Variants in PCGF6 observed in about 807,000 individuals in gnomAD.
PCGF6 encodes the protein polycomb group ring finger 6, also known as polycomb group RING finger protein 6.
PCGF6 carries 24 observed loss-of-function variants against 45.5 expected under a neutral mutation model. The ratio of observed to expected loss-of-function variants is 0.53; its 90% CI spans 0.38 to 0.74. The LOEUF (loss-of-function observed/expected upper bound fraction) is 0.74. Ranked by LOEUF, PCGF6 falls within the 30% of genes least tolerant of loss-of-function variation. The pLI is 0.00. For missense variants in PCGF6, 356 were observed against 443.2 expected, an observed-to-expected ratio of 0.80 and a Z score of 1.77; for synonymous variants, 152 against 162.1, an observed-to-expected ratio of 0.94 and a Z score of 0.47.
chr10:103,320,409 G>A (rs144269311), intron 8 of PCGF6, among the ~76,000 whole-genome samples: 51 of 152,168 alleles, frequency 3.4e-4, no homozygotes, highest in Admixed American at 9.2e-4. Context: ...CATGATGGCC[G>A]GGCGCGGTGG....
At chr10:103,345,697 A>G (rs1013552296) in intron 5 of PCGF6, among the ~76,000 whole-genome samples, 26 of 151,450 alleles carry the variant, frequency 1.7e-4, no homozygotes. Flanking sequence ...GCATGGTGGC[A>G]TGTGCCTGTA....
At chr10:103,318,731 G>A (rs938060719) in intron 8 of PCGF6, among the ~76,000 whole-genome samples, 6 of 151,388 alleles carry the variant, frequency 4.0e-5, no homozygotes, top group South Asian at 2.1e-4. Flanking sequence ...GCGACAGAGC[G>A]AGACTCTGTC....
At position 103,350,819 on chromosome 10, in the gene PCGF6, T is replaced by C. The variant is rs1364095376; in HGVS notation, c.248A>G (p.Glu83Gly). The change falls in exon 1 of 10, where the codon GAG becomes GGG. Residue 83 changes from glutamate to glycine, a missense_variant. Glu to Gly is a moderately conservative substitution (Grantham distance 98). This residue lies in a region of PCGF6 where 307 missense variants were observed against 350.1 expected (regional missense o/e 0.88). Coordinates refer to ENST00000369847, the MANE Select transcript of PCGF6 (RefSeq NM_001011663.2). ...FRGRFEDEDE[E>G]LEEEEELEEE... is the part of the protein sequence containing the mutation. The stretch of plus-strand genomic sequence containing the variant: ...CTCCAGCTCCTCTTCTTCTTCCAAC[T>C]CCTCGTCCTCGTCCTCGAAGCGGCC... The C allele has an allele frequency of 6.5e-7, 1 of 1,547,520 alleles. No homozygotes were observed.
intron 6 of PCGF6, among the ~76,000 whole-genome samples, chr10:103,343,249 T>C (rs2093287502): frequency 6.6e-6 from 1 of 151,532 alleles, no homozygotes; most frequent in African/African-American, 2.4e-5. Flanking sequence ...TAATAACAGT[T>C]GAGAGCACGA....
chr10:103,348,174 T>G (rs931361869), intron 3 of PCGF6, among the ~76,000 whole-genome samples: 4 of 152,156 alleles, frequency 2.6e-5, no homozygotes, highest in Admixed American at 2.0e-4. Context: ...CTAGCCTCAT[T>G]AACCTGAGTA....
Position 103,347,179 on chromosome 10 carries a change from T to C in PCGF6, c.673+59A>G, listed in dbSNP as rs1438943106. The C allele has an allele frequency of 1.6e-5, 22 of 1,333,816 alleles. No individual in the cohort carries two copies. The East Asian group carries it at 4.2e-4, about 25-fold the overall frequency. The allele number at this position is 1,333,816 out of a possible 1,614,324, so 82.6% of individuals were successfully genotyped here. ...CCCAAAAGGAACTTCAAAGGGCATA[T>C]ATTTTATTGTTAGTATTCTTTAATC... On this transcript the variant is annotated intron_variant, in intron 5 of 9. Transcript: ENST00000369847.
At chr10:103,327,768 G>A (rs753708581) in intron 7 of PCGF6, among the ~76,000 whole-genome samples, 2 of 151,464 alleles carry the variant, frequency 1.3e-5, no homozygotes, top group African/African-American at 4.9e-5. Context: ...TCCGCCTCCC[G>A]GGTTCACGCT....
intron 8 of PCGF6, among the ~76,000 whole-genome samples, 163 bp from the exon 9 acceptor site, chr10:103,314,435 GAAGT>G (rs1220239782): frequency 1.3e-5 from 2 of 152,154 alleles, no homozygotes; most frequent in African/African-American, 4.8e-5. Flanking sequence ...ACTTTTTACA[GAAGT>G]AAATAAGGTA....
At chr10:103,323,027 A>G (rs1372469472) in intron 8 of PCGF6, among the ~76,000 whole-genome samples, 2 of 152,130 alleles carry the variant, frequency 1.3e-5, no homozygotes, top group African/African-American at 4.8e-5. Context: ...TAATAAGGGC[A>G]AGTCTTCTGC....
At chr10:103,304,127 C>G (rs1009921834) in intron 9 of PCGF6, among the ~76,000 whole-genome samples, 166 bp from the exon 10 acceptor site, 1 of 147,458 alleles carries the variant, frequency 6.8e-6, no homozygotes, top group African/African-American at 2.5e-5. Context: ...ACCAAACACT[C>G]CTTGTGAATG....
At chr10:103,334,229 C>T (rs2093249153) in intron 6 of PCGF6, among the ~76,000 whole-genome samples, 1 of 151,902 alleles carries the variant, frequency 6.6e-6, no homozygotes, top group Non-Finnish European at 1.5e-5. Context: ...TGAGAATTTA[C>T]TTATTTTTTC....
intron 7 of PCGF6, among the ~76,000 whole-genome samples, chr10:103,332,669 G>C (rs752559283): frequency 3.3e-5 from 5 of 152,126 alleles, no homozygotes; most frequent in African/African-American, 4.8e-5. Flanking sequence ...CGTCTTCAGG[G>C]AACACTGGTA....
intron 7 of PCGF6, among the ~76,000 whole-genome samples, chr10:103,331,942 G>A (rs772258968): frequency 8.6e-5 from 13 of 151,946 alleles, no homozygotes; most frequent in South Asian, 2.1e-4. Flanking sequence ...ACAGGCACGC[G>A]CCACCGCGCC....
chr10:103,335,585 T>C (rs2093253785), intron 6 of PCGF6, among the ~76,000 whole-genome samples: 1 of 151,934 alleles, frequency 6.6e-6, no homozygotes, highest in African/African-American at 2.4e-5. Flanking sequence ...ATGGCCTCGA[T>C]CTCTTGATCT....
chr10:103,331,728 G>A (rs1379400486), intron 7 of PCGF6, among the ~76,000 whole-genome samples: 2 of 152,024 alleles, frequency 1.3e-5, no homozygotes, highest in Non-Finnish European at 1.5e-5. Flanking sequence ...AACAGAATTG[G>A]TTGCTATGTA....
intron 7 of PCGF6, among the ~76,000 whole-genome samples, chr10:103,328,245 G>A (rs569101090): frequency 4.6e-5 from 7 of 152,120 alleles, no homozygotes; most frequent in Non-Finnish European, 1.0e-4. Context: ...AGCCTAGAAT[G>A]GCTACCTAGG....
At chr10:103,344,632 G>A (rs1475166232) in intron 6 of PCGF6, among the ~76,000 whole-genome samples, 1 of 149,794 alleles carries the variant, frequency 6.7e-6, no homozygotes, top group African/African-American at 2.5e-5. Flanking sequence ...GCGCGATCTT[G>A]GCTCACTGCA....
chr10:103,349,097 G>A lies in PCGF6; in HGVS notation c.361-98C>T, dbSNP rs1183080579. The A allele has an allele frequency of 4.0e-6, 4 of 999,610 alleles. No homozygotes were observed. In the East Asian group the frequency reaches 1.0e-4, roughly 26 times the overall value. 61.9% of individuals were successfully genotyped at this position (999,610 alleles called of 1,614,324 possible). ...AGAGTCTCACTCTGTAGCCCAAGCT[G>A]AGTGCAGTGATGTCATCTCGGTTCA... On this transcript the variant is annotated intron_variant, in intron 1 of 9. Coordinates refer to ENST00000369847, the MANE Select transcript of PCGF6 (RefSeq NM_001011663.2).
intron 6 of PCGF6, among the ~76,000 whole-genome samples, chr10:103,339,808 A>AC (rs2093272338): frequency 6.4e-5 from 5 of 78,026 alleles, no homozygotes; most frequent in East Asian, 1.4e-3. Context: ...TCTCAAAAAA[A>AC]AAACACACAC....
Sources: gnomAD v4.1 joint callset for allele counts (sites outside exome capture counted in the v4.1 genomes callset) on GRCh38, gnomAD v4.1.1 for gene constraint, gnomAD v4.1.1 regional missense constraint, MANE v1.5 for transcripts, NCBI Gene and HGNC (gene_info 2026-07-23, HGNC 2026-07-21) for gene names.